Variants in SUB1 observed in about 807,000 individuals in gnomAD.
The protein encoded by SUB1 is activated RNA polymerase II transcriptional coactivator p15.
In SUB1, 1 loss-of-function variant was observed where a neutral mutation model predicts 16.9. The observed-to-expected ratio is 0.06, with a 90% CI of 0.02 to 0.28. The LOEUF is 0.28. Among genes scored for constraint, SUB1 ranks in the 10% least tolerant of loss-of-function variants. The pLI is 1.00. For missense variants in SUB1, 84 were observed against 145.2 expected, an observed-to-expected ratio of 0.58 and a Z score of 2.16; for synonymous variants, 51 against 46.9, an observed-to-expected ratio of 1.09 and a Z score of -0.36.
At chr5:32,587,459 G>A (rs912585771) in intron 1 of SUB1, among the ~76,000 whole-genome samples, 1 of 152,050 alleles carries the variant, frequency 6.6e-6, no homozygotes, top group Non-Finnish European at 1.5e-5. Flanking sequence ...GGGGGACCTG[G>A]GAAGTTACCA....
intron 3 of SUB1, chr5:32,597,572 A>G (rs1021143799): frequency 1.3e-5 from 2 of 152,136 alleles, no homozygotes; most frequent in African/African-American, 4.8e-5. Context: ...TGGGATATAT[A>G]TTCAGAAGTA....
chr5:32,586,954 G>A (rs1738687575), intron 1 of SUB1, among the ~76,000 whole-genome samples: 1 of 152,140 alleles, frequency 6.6e-6, no homozygotes, highest in Non-Finnish European at 1.5e-5. Context: ...CAATGTCAGT[G>A]CTAATGCAAG....
chr5:32,595,546 G>GT (rs1249796936), intron 3 of SUB1: 2 of 152,222 alleles, frequency 1.3e-5, no homozygotes, highest in Admixed American at 6.5e-5. Context: ...ACTACAACTT[G>GT]TAAATCCATT....
chr5:32,585,754 T>TC (rs3841127), intron 1 of SUB1, 129 bp downstream of exon 1: 20,573 of 152,228 alleles, frequency 0.14, 3,545 homozygotes, highest in African/African-American at 0.4. Flanking sequence ...CTGCCTTACC[T>TC]CCCCCTTCCC....
Position 32,585,577 on chromosome 5 carries a change from C to G in SUB1, c.-50C>G, listed in dbSNP as rs989418220. On this transcript the variant is annotated 5_prime_UTR_variant, in exon 1 of 5. Transcript: ENST00000265073. ...CCGTCACTTCCGGTTCTCTGTCAGTCGCGAGCGAACGACCAAGAGGGTGTT... is the reference window on the plus strand; with the variant it reads ...CCGTCACTTCCGGTTCTCTGTCAGTGGCGAGCGAACGACCAAGAGGGTGTT... 1 of 152,228 alleles carries G rather than the reference C, an allele frequency of 6.6e-6. No homozygotes were observed. Among genetic ancestry groups the G allele is most frequent in the Non-Finnish European group, 1.5e-5 (1 of 68,078 alleles). The allele number at this position is 152,228 out of a possible 1,614,324, so 9.4% of individuals were successfully genotyped here.
At chr5:32,585,699 G>A (rs924454725) in intron 1 of SUB1, 74 bp downstream of exon 1, 2 of 152,368 alleles carry the variant, frequency 1.3e-5, no homozygotes, top group African/African-American at 4.8e-5. Flanking sequence ...GCTGCCTTCG[G>A]CCCTCCACTC....
At chr5:32,595,192 T>TAAA (rs145923740) in intron 3 of SUB1, 1 of 149,566 alleles carries the variant, frequency 6.7e-6, no homozygotes, top group African/African-American at 2.5e-5. Context: ...CCTTTTTTTT[T>TAAA]TAAAAAAAAA....
At position 32,598,963 on chromosome 5, in the gene SUB1, T is replaced by A; in HGVS notation, c.198T>A (p.Ile66=). ...TTTTATGTTTGTTTCTTTTGCAGAT[T>A]GGGAAAATGAGGTACGTTAGTGTTC... ...SSSRDDNMFQ[I]GKMRYVSVRD... Residue 66 remains isoleucine (I), a splice_region_variant and synonymous_variant, in exon 4 of 5, where the codon ATT becomes ATA. Coordinates refer to ENST00000265073, the MANE Select transcript of SUB1 (RefSeq NM_006713.4). 6.2e-7 allele frequency: 1 copy of A among 1,610,176 alleles called. No homozygotes were observed. Among genetic ancestry groups the A allele is most frequent in the South Asian group, 1.1e-5 (1 of 90,782 alleles).
Position 32,602,884 on chromosome 5 carries a change from G to A in SUB1, c.*1800G>A, listed in dbSNP as rs570684743. Reference sequence around the variant, plus strand: ...CTCCTTTTTTGGGGAACATGTTTGTGTCCTATTAACTTAATTGGATAGATT... The same window carrying A: ...CTCCTTTTTTGGGGAACATGTTTGTATCCTATTAACTTAATTGGATAGATT... On this transcript the variant is annotated 3_prime_UTR_variant, in exon 5 of 5. Transcript: ENST00000265073. The A allele has an allele frequency of 1.3e-5, 2 of 152,016 alleles. No individual in the cohort carries two copies. Among genetic ancestry groups the A allele is most frequent in the Admixed American group, 6.6e-5 (1 of 15,256 alleles). The allele number at this position is 152,016 out of a possible 1,614,324, so 9.4% of individuals were successfully genotyped here.
At chr5:32,595,630 C>T (rs1738943001) in intron 3 of SUB1, 1 of 152,176 alleles carries the variant, frequency 6.6e-6, no homozygotes, top group African/African-American at 2.4e-5. Context: ...TATTCTTGTA[C>T]AAGTCATTTT....
intron 3 of SUB1, chr5:32,597,014 T>C (rs1003074484): frequency 5.9e-5 from 9 of 151,884 alleles, no homozygotes; most frequent in South Asian, 2.1e-4. Context: ...TTGGTTGTTA[T>C]TGACTGGAAC....
chr5:32,590,703 C>G (rs899640324), intron 2 of SUB1, among the ~76,000 whole-genome samples: 7 of 147,642 alleles, frequency 4.7e-5, no homozygotes, highest in African/African-American at 1.7e-4. Flanking sequence ...TCAAGCGATT[C>G]TCCTGCCTCA....
chr5:32,598,915 C>G lies in SUB1; in HGVS notation c.196-46C>G, dbSNP rs73063656. The G allele has an allele frequency of 5.6e-4, 796 of 1,412,908 alleles. 6 individuals are homozygous for G. The African/African-American group carries it at 0.011, about 19-fold the overall frequency. The allele number at this position is 1,412,908 out of a possible 1,614,324, so 87.5% of individuals were successfully genotyped here. A position where few individuals can be genotyped will look rare whatever the true frequency, so the allele number is the denominator to read the frequency against. On this transcript the variant is annotated intron_variant, in intron 3 of 4. Transcript: ENST00000265073. ...AATATGAATACAATTGAAACAGATA[C>G]CACTCTTGAAAGGAGCACCTCTTTT...
rs1435730448 is a variant in SUB1, at chr5:32,603,190, G to C, written c.*2106G>C. 2 of 152,082 alleles carry C rather than the reference G, an allele frequency of 1.3e-5. No homozygotes were observed. The highest frequency in any genetic ancestry group is 1.9e-4 in the East Asian group (1 of 5,204). The allele number at this position is 152,082 out of a possible 1,614,324, so 9.4% of individuals were successfully genotyped here. A position where few individuals can be genotyped will look rare whatever the true frequency, so the allele number is the denominator to read the frequency against. On this transcript the variant is annotated 3_prime_UTR_variant, in exon 5 of 5. Coordinates refer to ENST00000265073, the MANE Select transcript of SUB1 (RefSeq NM_006713.4). ...CTAACTTCATTTAAATGTGTTACTG[G>C]ATATGCAGTATACTGAAATTATTAA...
chr5:32,589,864 C>A (rs1210384820), intron 2 of SUB1, among the ~76,000 whole-genome samples: 1 of 149,300 alleles, frequency 6.7e-6, no homozygotes, highest in Non-Finnish European at 1.5e-5. Context: ...TTTTTTTTTT[C>A]CTCCTGAAGC....
chr5:32,587,732 T>G (rs562355087), intron 1 of SUB1, among the ~76,000 whole-genome samples: 36 of 152,052 alleles, frequency 2.4e-4, no homozygotes, highest in Admixed American at 5.2e-4. Flanking sequence ...TGCCTCAGTC[T>G]CCCGAATTGC....
chr5:32,598,350 T>C (rs549872882), intron 3 of SUB1: 1 of 152,400 alleles, frequency 6.6e-6, no homozygotes, highest in Non-Finnish European at 1.5e-5. Flanking sequence ...TGAAAAATAA[T>C]GTGAAAACCG....
intron 2 of SUB1, among the ~76,000 whole-genome samples, chr5:32,590,758 G>C (rs899178323): frequency 7.5e-5 from 2 of 26,804 alleles, no homozygotes; most frequent in Non-Finnish European, 2.7e-4. Context: ...ACCACGCCTG[G>C]CTAATTTTTT....
At position 32,602,229 on chromosome 5, in the gene SUB1, G is replaced by C. The variant is rs1484609331; in HGVS notation, c.*1145G>C. 2.2e-6 allele frequency: 1 copy of C among 455,590 alleles called. No individual in the cohort carries two copies. The allele number at this position is 455,590 out of a possible 1,614,324, so 28.2% of individuals were successfully genotyped here. A position where few individuals can be genotyped will look rare whatever the true frequency, so the allele number is the denominator to read the frequency against. On this transcript the variant is annotated 3_prime_UTR_variant, in exon 5 of 5. Transcript: ENST00000265073. ...TTGAGGCACAGATTTTAGTGGCTTT[G>C]TGGCAATAAATAGGGCATGGTGTGC...
Sources: gnomAD v4.1 joint callset for allele counts (sites outside exome capture counted in the v4.1 genomes callset) on GRCh38, gnomAD v4.1.1 for gene constraint, MANE v1.5 for transcripts, NCBI Gene and HGNC (gene_info 2026-07-23, HGNC 2026-07-21) for gene names.